Variants in GALK2 observed in about 807,000 individuals in gnomAD.
GALK2 encodes N-acetylgalactosamine kinase.
Under a neutral mutation model 52.4 loss-of-function variants are expected in GALK2, and 36 were observed. The observed-to-expected ratio is 0.69, with a 90% CI of 0.53 to 0.91. The LOEUF (loss-of-function observed/expected upper bound fraction) is 0.91. Ranked by LOEUF, GALK2 falls within the 40% of genes least tolerant of loss-of-function variation. The pLI is 0.00. For missense variants in GALK2, 579 were observed against 559.1 expected (o/e 1.04, Z -0.36); for synonymous variants, 176 against 199.1 (o/e 0.88, Z 0.98).
chr15:49,218,842 T>C (rs1243604788), intron 3 of GALK2, among the ~76,000 whole-genome samples: 1 of 152,214 alleles, frequency 6.6e-6, no homozygotes, highest in Non-Finnish European at 1.5e-5. Context: ...TATTTATTTA[T>C]TGAGACAGGG....
intron 9 of GALK2, among the ~76,000 whole-genome samples, chr15:49,320,018 T>C (rs2036754883): frequency 6.6e-6 from 1 of 152,196 alleles, no homozygotes; most frequent in Non-Finnish European, 1.5e-5. Context: ...TATGAGGCTC[T>C]GGGTTTGGAG....
At chr15:49,271,081 C>T (rs1461223003) in intron 5 of GALK2, among the ~76,000 whole-genome samples, 3 of 152,096 alleles carry the variant, frequency 2.0e-5, no homozygotes, top group Admixed American at 6.6e-5. Flanking sequence ...GTAAGCCTGC[C>T]GCCCATCCAT....
upstream of GALK2, among the ~76,000 whole-genome samples, chr15:49,166,197 G>A (rs753599480): frequency 2.6e-5 from 4 of 152,142 alleles, no homozygotes; most frequent in Non-Finnish European, 5.9e-5. Context: ...AGTAATTAGA[G>A]TACTGATGTG....
chr15:49,232,639 C>A (rs1050316855), intron 3 of GALK2, among the ~76,000 whole-genome samples: 2 of 152,194 alleles, frequency 1.3e-5, no homozygotes, highest in Non-Finnish European at 2.9e-5. Flanking sequence ...CATTTCTTTG[C>A]TCACGCATAT....
intron 1 of GALK2, among the ~76,000 whole-genome samples, chr15:49,191,872 T>TCC (rs1239250215): frequency 2.7e-5 from 4 of 149,032 alleles, no homozygotes; most frequent in East Asian, 2.0e-4. Flanking sequence ...GTTTTTTTTT[T>TCC]CCATACTTTT....
intron 2 of GALK2, among the ~76,000 whole-genome samples, chr15:49,208,016 A>G (rs995174091): frequency 1.3e-5 from 2 of 151,844 alleles, no homozygotes; most frequent in Non-Finnish European, 2.9e-5. Flanking sequence ...CAGGTGGTCC[A>G]CCCGCCTCAG....
chr15:49,350,790 C>T (rs1327921921), intron 3 of GALK2, among the ~76,000 whole-genome samples: 1 of 152,164 alleles, frequency 6.6e-6, no homozygotes, highest in Non-Finnish European at 1.5e-5. Context: ...CCTTTCCTAA[C>T]AGTGCTCTCT....
chr15:49,349,230 C>T (rs1165447972), intron 3 of GALK2, among the ~76,000 whole-genome samples: 2 of 152,096 alleles, frequency 1.3e-5, no homozygotes, highest in African/African-American at 4.8e-5. Flanking sequence ...AGGTGGCTGA[C>T]AATACTTACA....
intron 8 of GALK2, among the ~76,000 whole-genome samples, chr15:49,297,208 G>C (rs933158163): frequency 6.6e-6 from 1 of 152,052 alleles, no homozygotes; most frequent in Non-Finnish European, 1.5e-5. Context: ...TTATATGCTT[G>C]TTGGCCATGT....
chr15:49,267,730 G>A (rs917912504), intron 5 of GALK2, among the ~76,000 whole-genome samples: 13 of 151,702 alleles, frequency 8.6e-5, no homozygotes, highest in African/African-American at 2.9e-4. Flanking sequence ...ATAGTTATTG[G>A]CATATTTTTC....
intron 9 of GALK2, among the ~76,000 whole-genome samples, chr15:49,322,777 G>A (rs1199205803): frequency 6.6e-6 from 1 of 152,030 alleles, no homozygotes; most frequent in African/African-American, 2.4e-5. Context: ...CTAACACGGT[G>A]AAACCCCATC....
Position 49,243,390 on chromosome 15 carries a change from ACCCTACACT to A in GALK2, c.504+4026_504+4034del, listed in dbSNP as rs565117465. Reference sequence around the variant, plus strand: ...TTACTGGCACACTGGCAACCTCACCACCCTACACTCCAGCAGGAATGTTGGAGGATCCTT... The same window carrying A: ...TTACTGGCACACTGGCAACCTCACCACCAGCAGGAATGTTGGAGGATCCTT... On this transcript the variant is annotated intron_variant, in intron 5 of 9. Transcript: ENST00000560031. Among the ~76,000 whole-genome samples the A allele has an allele frequency of 8.6e-5, 13 of 151,938 alleles. No homozygotes were observed. In the East Asian group the frequency reaches 2.5e-3, roughly 30 times the overall value.
At chr15:49,338,271 T>C (rs1469269954) in intron 3 of GALK2, among the ~76,000 whole-genome samples, 3 of 152,216 alleles carry the variant, frequency 2.0e-5, no homozygotes, top group Non-Finnish European at 4.4e-5. Flanking sequence ...CTGGTACCGG[T>C]TGTTCCTTTC....
chr15:49,300,570 A>C (rs2035024160), intron 8 of GALK2, among the ~76,000 whole-genome samples: 1 of 152,116 alleles, frequency 6.6e-6, no homozygotes, highest in East Asian at 1.9e-4. Flanking sequence ...CTTATCTTGA[A>C]TTGTAGTTCC....
At chr15:49,193,218 G>A (rs1178938989) in intron 1 of GALK2, among the ~76,000 whole-genome samples, 3 of 151,318 alleles carry the variant, frequency 2.0e-5, no homozygotes, top group African/African-American at 4.9e-5. Flanking sequence ...GGCTGGTCTC[G>A]AACTCCTGAC....
intron 3 of GALK2, among the ~76,000 whole-genome samples, chr15:49,220,335 TC>T (rs1288014669): frequency 6.6e-6 from 1 of 152,152 alleles, no homozygotes; most frequent in African/African-American, 2.4e-5. Flanking sequence ...TTTTTTAAGT[TC>T]CCACATATGA....
At chr15:49,236,942 TTCTTTCTTTTGTGTTTTCCTTTCTC>T (rs1438482529) in intron 4 of GALK2, among the ~76,000 whole-genome samples, 5 of 152,230 alleles carry the variant, frequency 3.3e-5, no homozygotes, top group Non-Finnish European at 5.9e-5. Flanking sequence ...ATTCATTTCT[TTCTTTCTTTTGTGTTTTCCTTTCTC>T]TCAGACACAT....
chr15:49,205,257 G>A (rs577971029), intron 2 of GALK2, among the ~76,000 whole-genome samples: 1 of 152,292 alleles, frequency 6.6e-6, no homozygotes, highest in African/African-American at 2.4e-5. Flanking sequence ...TAGTGGGATT[G>A]CTGGATCAAA....
At chr15:49,241,204 A>G (rs973842939) in intron 5 of GALK2, among the ~76,000 whole-genome samples, 1 of 152,214 alleles carries the variant, frequency 6.6e-6, no homozygotes, top group South Asian at 2.1e-4. Flanking sequence ...TGAAAAAAAT[A>G]TGAAGGTCAG....
Sources: allele counts gnomAD v4.1 joint callset (sites outside exome capture counted in the v4.1 genomes callset), GRCh38; gene constraint gnomAD v4.1.1; transcripts MANE v1.5; gene names NCBI Gene and HGNC (gene_info 2026-07-23, HGNC 2026-07-21).